CFP: variants seen among roughly 807,000 people sequenced by gnomAD.
CFP encodes properdin.
In CFP, 14 loss-of-function variants were observed where a neutral mutation model predicts 42.1. The observed-to-expected ratio is 0.33, with a 90% confidence interval of 0.22 to 0.52. The LOEUF (loss-of-function observed/expected upper bound fraction) is 0.52, where lower values mean the gene tolerates loss of function less well. Among genes scored for constraint, CFP ranks in the 20% least tolerant of loss-of-function variants. CFP has a pLI of 0.96. For synonymous variants in CFP, 149 were observed against 160.6 expected (o/e 0.93, Z 0.54); for missense variants, 318 against 400.4 (o/e 0.79, Z 1.76).
At chrX:47,629,406 C>A in intron 2 of CFP, 118 bp downstream of exon 2, 1 of 553,411 alleles carries the variant, frequency 1.8e-6, no homozygotes, top group Non-Finnish European at 3.0e-6. Context: ...GGTATGGTCA[C>A]GATCAGGGCC....
chrX:47,628,203 T>C lies in CFP; in HGVS notation c.302A>G (p.Tyr101Cys). The change falls in exon 3 of 9, where the codon TAC becomes TGC. Residue 101 changes from tyrosine to cysteine, a missense_variant. Coordinates refer to ENST00000396992, the MANE Select transcript of CFP (RefSeq NM_001145252.3). ...CCCATTCCAGCCCACACAGCGCCGGTACCGCAGCTGGGAGCCCTCAGAGCA... is the reference window on the plus strand; with the variant it reads ...CCCATTCCAGCCCACACAGCGCCGGCACCGCAGCTGGGAGCCCTCAGAGCA... ...VTCSEGSQLR[Y>C]RRCVGWNGQC... The C allele has an allele frequency of 8.3e-7, 1 of 1,211,293 alleles. No homozygotes were observed. Among genetic ancestry groups the C allele is most frequent in the Non-Finnish European group, 1.1e-6 (1 of 895,313 alleles).
rs1448194680 is a variant in CFP, at chrX:47,624,244, G to A, written c.*31C>T. ...AGGCTAGTTTATTGAGGTTTGGAAG[G>A]TCAGGGGGCTCAGAGTGGAGGAGAG... On this transcript the variant is annotated 3_prime_UTR_variant, in exon 9 of 9. Coordinates refer to ENST00000396992, the MANE Select transcript of CFP (RefSeq NM_001145252.3). 2.5e-6 allele frequency: 3 copies of A among 1,204,142 alleles called. No individual in the cohort carries two copies. The highest frequency in any genetic ancestry group is 2.2e-6 in the Non-Finnish European group (2 of 890,376).
chrX:47,625,898 ATCT>A (rs766141144), intron 8 of CFP, 157 bp downstream of exon 8: 2 of 507,584 alleles, frequency 3.9e-6, no homozygotes, highest in East Asian at 3.7e-5. Flanking sequence ...CTTCTTTCTC[ATCT>A]TCTTAGTTTC....
At chrX:47,625,621 C>T in intron 8 of CFP, 1 of 210,386 alleles carries the variant, frequency 4.8e-6, no homozygotes, top group Non-Finnish European at 8.9e-6. Context: ...TCAGCTGGGT[C>T]CCTTGGAGGA....
intron 6 of CFP, 25 bp downstream of exon 6, chrX:47,626,748 A>G (rs2057970046): frequency 1.7e-6 from 2 of 1,190,811 alleles, no homozygotes; most frequent in South Asian, 3.7e-5. Context: ...TTAGGCATGC[A>G]AATCGTGAAC....
rs1389802570 is a variant in CFP at position 47,626,935 on chromosome X, A to C, written c.778T>G (p.Trp260Gly). The change falls in exon 6 of 9, where the codon TGG (tryptophan) becomes GGG (glycine). Residue 260 changes from tryptophan to glycine, a missense_variant. Trp to Gly is a radical substitution (Grantham distance 184, BLOSUM62 -2). Transcript: ENST00000396992. ...GGGCTCACAGGGCCCCAAGGCCCCC[A>C]GCCCCCAGCCACTGTTGGAGGAGGA... ...GLPPCPVAGG[W>G]GPWGPVSPCP... is the part of the protein sequence containing the mutation. The C allele has an allele frequency of 8.5e-7, 1 of 1,181,453 alleles. No homozygotes were observed. The highest frequency in any genetic ancestry group is 1.7e-5 in the African/African-American group (1 of 57,274).
In CFP at chrX:47,629,683, G is replaced by C. The variant is rs367959975; in HGVS notation, c.77-9C>G. The C allele has an allele frequency of 3.9e-5, 45 of 1,164,181 alleles. No individual in the cohort carries two copies. The Admixed American group carries it at 4.7e-4, about 12-fold the overall frequency. ...GAGCACGGGGTCTGAGCCTGTAACAGGGCCAGGGGATGGGTGGGTGGGGCT... is the reference window on the plus strand; with the variant it reads ...GAGCACGGGGTCTGAGCCTGTAACACGGCCAGGGGATGGGTGGGTGGGGCT... On this transcript the variant is annotated splice_polypyrimidine_tract_variant and intron_variant, in intron 1 of 8. Transcript: ENST00000396992.
intron 8 of CFP, 98 bp from the exon 9 acceptor site, chrX:47,624,538 A>ATTT: frequency 4.0e-6 from 2 of 505,438 alleles, no homozygotes; most frequent in South Asian, 5.5e-5. Flanking sequence ...GCCGAGGGCT[A>ATTT]CTTTTTTTTT....
intron 3 of CFP, 41 bp from the exon 4 acceptor site, chrX:47,627,682 G>A (rs775387030): frequency 4.5e-6 from 5 of 1,122,953 alleles, no homozygotes; most frequent in Non-Finnish European, 6.0e-6. Flanking sequence ...GAGGTGGGGT[G>A]TCATTCAGGG....
intron 4 of CFP, 43 bp downstream of exon 4, chrX:47,627,428 C>T (rs369761235): frequency 2.1e-4 from 251 of 1,204,994 alleles, no homozygotes; most frequent in Middle Eastern, 6.9e-4. Flanking sequence ...CGCAGACCCA[C>T]GCTGGGTGCA....
intron 8 of CFP, chrX:47,624,948 A>G (rs2057963009): frequency 8.9e-6 from 1 of 112,498 alleles, no homozygotes; most frequent in Non-Finnish European, 1.9e-5. Flanking sequence ...TGTTGGCATG[A>G]GCTACTTTCT....
chrX:47,629,778 G>C lies in CFP; in HGVS notation c.67C>G (p.Pro23Ala), dbSNP rs2057983958. The C allele has an allele frequency of 8.6e-7, 1 of 1,167,192 alleles. No individual in the cohort carries two copies. Among genetic ancestry groups the C allele is most frequent in the Admixed American group, 2.6e-5 (1 of 38,905 alleles). Residue 23 changes from proline to alanine, a missense_variant, in exon 1 of 9, where the codon CCA (proline) becomes GCA (alanine). Physicochemically the swap from Pro to Ala is conservative, Grantham distance 27. Transcript: ENST00000396992. ...GCCCTCACCCCCTCACCTGTGGCTG[G>C]CAGGGTGAGCAGCAGGAGCAGCGGC... ...LPPLLLLLTL[P>A]ATGSDPVLCF...
chrX:47,624,509 T>TAAGA, intron 8 of CFP, 69 bp from the exon 9 acceptor site: 11 of 999,625 alleles, frequency 1.1e-5, no homozygotes, highest in Non-Finnish European at 1.5e-5. Context: ...ATTCAATTCT[T>TAAGA]ATTGAGTGCC....
At chrX:47,629,955 G>T, upstream of CFP, 1 of 827,166 alleles carries the variant, frequency 1.2e-6, no homozygotes, top group African/African-American at 2.0e-5. Context: ...GAGGAACTGG[G>T]AGGGCATCCT....
chrX:47,627,997 CT>C, intron 3 of CFP, 104 bp downstream of exon 3: 1 of 989,376 alleles, frequency 1.0e-6, no homozygotes. Flanking sequence ...TCCTTAGGTC[CT>C]TACAAACACT....
Position 47,626,529 on chromosome X carries a change from CAG to C in CFP, c.941-12_941-11del, listed in dbSNP as rs1204166286. On this transcript the variant is annotated splice_polypyrimidine_tract_variant and intron_variant, in intron 6 of 8. Coordinates refer to ENST00000396992, the MANE Select transcript of CFP (RefSeq NM_001145252.3). ...TCCCACTCCCCATCCACTGCAGAGA[CAG>C]GGCAACAGGGGATTGGACCAAAGCA... 8.3e-7 allele frequency: 1 copy of C among 1,208,015 alleles called. No individual in the cohort carries two copies. Among genetic ancestry groups the C allele is most frequent in the East Asian group, 3.0e-5 (1 of 33,761 alleles).
At position 47,624,455 on chromosome X, in the gene CFP, G is replaced by T. The variant is rs1556862294; in HGVS notation, c.1245-15C>A. 3 of 1,202,864 alleles carry T rather than the reference G, an allele frequency of 2.5e-6. No individual in the cohort carries two copies. The highest frequency in any genetic ancestry group is 3.4e-6 in the Non-Finnish European group (3 of 888,915). On this transcript the variant is annotated splice_polypyrimidine_tract_variant and intron_variant, in intron 8 of 8. Transcript: ENST00000396992. ...AAACGGTGGGCCTGAGGCATTAGGG[G>T]TGGGGAGGAACGGAAGGGAGAATCT...
chrX:47,627,422 G>A lies in CFP; in HGVS notation c.574+49C>T, dbSNP rs1404901415. ...GGCAGTTCCCTGCTGTAACCCCGCA[G>A]ACCCACGCTGGGTGCACCCATCAGC... is the stretch of plus-strand genomic sequence containing the variant. On this transcript the variant is annotated intron_variant, in intron 4 of 8. Coordinates refer to ENST00000396992, the MANE Select transcript of CFP (RefSeq NM_001145252.3). 3 of 1,204,676 alleles carry A rather than the reference G, an allele frequency of 2.5e-6. No individual in the cohort carries two copies. The South Asian group carries it at 5.3e-5, about 21-fold the overall frequency.
intron 3 of CFP, among the ~76,000 whole-genome samples, chrX:47,627,897 A>C (rs2057975925): frequency 9.1e-6 from 1 of 109,717 alleles, no homozygotes; most frequent in Admixed American, 9.6e-5. Flanking sequence ...CCACAGTCCA[A>C]ATTACTCAGA....
Sources: gnomAD v4.1 joint callset for allele counts (sites outside exome capture counted in the v4.1 genomes callset) on GRCh38, gnomAD v4.1.1 for gene constraint, MANE v1.5 for transcripts, NCBI Gene and HGNC (gene_info 2026-07-23, HGNC 2026-07-21) for gene names.